The following SNX29 variants were observed in gnomAD, a reference collection of about 807,000 sequenced individuals.
SNX29 encodes sorting nexin-29.
Under a neutral mutation model 102.1 loss-of-function variants are expected in SNX29, and 78 were observed. The observed-to-expected ratio is 0.76, with a 90% CI of 0.64 to 0.92. The LOEUF (loss-of-function observed/expected upper bound fraction) is 0.92, where lower values mean the gene tolerates loss of function less well. Ranked by LOEUF, SNX29 falls within the 40% of genes least tolerant of loss-of-function variation. SNX29 has a pLI of 0.00. For synonymous variants in SNX29, 580 were observed against 414.5 expected (o/e 1.40, Z -4.85); for missense variants, 1,280 against 1,061.7 (o/e 1.21, Z -2.86).
intron 9 of SNX29, among the ~76,000 whole-genome samples, chr16:12,062,367 ACT>A (rs1456212093): frequency 1.4e-5 from 2 of 142,100 alleles, no homozygotes; most frequent in African/African-American, 2.7e-5. Context: ...TGACAGTGAG[ACT>A]CTGTCTCAAA....
intron 1 of SNX29, among the ~76,000 whole-genome samples, chr16:11,993,589 G>A (rs1411339768): frequency 6.6e-6 from 1 of 152,136 alleles, no homozygotes; most frequent in Non-Finnish European, 1.5e-5. Flanking sequence ...CGTCCGAAGA[G>A]GTAGGTTCTA....
At chr16:12,550,547 A>AC (rs1555454175) in intron 20 of SNX29, among the ~76,000 whole-genome samples, 1 of 145,816 alleles carries the variant, frequency 6.9e-6, no homozygotes, top group African/African-American at 2.6e-5. Context: ...AAAAAAAAAA[A>AC]CCAAACACCA....
At chr16:12,271,529 G>A (rs1010331277) in intron 14 of SNX29, among the ~76,000 whole-genome samples, 2 of 152,196 alleles carry the variant, frequency 1.3e-5, no homozygotes, top group Non-Finnish European at 1.5e-5. Context: ...GGTAAGTCCA[G>A]CCTATGCTCA....
At chr16:12,224,328 C>G (rs1252377380) in intron 14 of SNX29, among the ~76,000 whole-genome samples, 3 of 152,130 alleles carry the variant, frequency 2.0e-5, no homozygotes, top group Admixed American at 1.3e-4. Context: ...ATTGCTTTCT[C>G]CGACAACTGT....
chr16:12,142,711 C>T (rs956469185), intron 13 of SNX29, among the ~76,000 whole-genome samples: 6 of 151,448 alleles, frequency 4.0e-5, no homozygotes, highest in African/African-American at 1.5e-4. Flanking sequence ...TTACAGGCGC[C>T]TGCCACCACG....
intron 15 of SNX29, among the ~76,000 whole-genome samples, chr16:12,294,919 C>G (rs2079928619): frequency 6.6e-6 from 1 of 152,068 alleles, no homozygotes; most frequent in African/African-American, 2.4e-5. Flanking sequence ...TTAATGGAGT[C>G]ACAGTTTTAC....
intron 14 of SNX29, among the ~76,000 whole-genome samples, chr16:12,202,261 C>G (rs1285008311): frequency 2.0e-5 from 3 of 151,862 alleles, no homozygotes; most frequent in Admixed American, 1.3e-4. Flanking sequence ...TTTTCTCTCT[C>G]CAAGAGAATC....
At chr16:12,567,756 G>A (rs1006475448) in intron 20 of SNX29, among the ~76,000 whole-genome samples, 22 of 152,162 alleles carry the variant, frequency 1.4e-4, no homozygotes, top group African/African-American at 4.8e-4. Context: ...AGTCGAGACT[G>A]TCTCCAGAAA....
intron 14 of SNX29, among the ~76,000 whole-genome samples, chr16:12,223,949 G>A (rs1184610712): frequency 6.6e-6 from 1 of 152,142 alleles, no homozygotes; most frequent in Non-Finnish European, 1.5e-5. Context: ...CCTCGGAGGG[G>A]TTCAGCAGCT....
intron 11 of SNX29, among the ~76,000 whole-genome samples, chr16:12,108,002 T>C (rs979542543): frequency 3.9e-5 from 6 of 152,092 alleles, no homozygotes; most frequent in Non-Finnish European, 7.4e-5. Context: ...CGAAATTTAT[T>C]AGGAGTTGCT....
At chr16:12,229,024 C>T (rs907602364) in intron 14 of SNX29, among the ~76,000 whole-genome samples, 2 of 152,252 alleles carry the variant, frequency 1.3e-5, no homozygotes, top group African/African-American at 4.8e-5. Flanking sequence ...GCTTGCTTGC[C>T]CTCATTCCTT....
chr16:12,004,763 T>C (rs1229078049), intron 3 of SNX29, among the ~76,000 whole-genome samples: 1 of 152,236 alleles, frequency 6.6e-6, no homozygotes, highest in Non-Finnish European at 1.5e-5. Context: ...GCCACGTGGA[T>C]GATTTGAAAC....
At position 12,429,905 on chromosome 16, in the gene SNX29, C is replaced by T. The variant is rs555461881; in HGVS notation, c.2037+26376C>T. Among the ~76,000 whole-genome samples the T allele has an allele frequency of 2.6e-5, 4 of 152,312 alleles. No homozygotes were observed. In the South Asian group the frequency reaches 6.2e-4, roughly 24 times the overall value. The stretch of plus-strand genomic sequence containing the variant: ...CAATCTTGACTATTGTTTTCTTGCT[C>T]TCTGACCACAGGCAGCTTACTGAAC... On this transcript the variant is annotated intron_variant, in intron 18 of 20. Transcript: ENST00000566228.
chr16:12,268,082 C>T (rs1401272455), intron 14 of SNX29, among the ~76,000 whole-genome samples: 2 of 152,244 alleles, frequency 1.3e-5, no homozygotes, highest in African/African-American at 2.4e-5. Context: ...TTATCCCAGT[C>T]TCTGCTCAGA....
intron 15 of SNX29, among the ~76,000 whole-genome samples, chr16:12,295,770 CT>C (rs34643631): frequency 3.5e-4 from 51 of 146,030 alleles, no homozygotes; most frequent in African/African-American, 5.2e-4. Context: ...AAATTGGGTT[CT>C]TTTTTTTTTT....
intron 14 of SNX29, among the ~76,000 whole-genome samples, chr16:12,199,959 CAGTTGCA>C (rs1334046472): frequency 6.6e-6 from 1 of 152,162 alleles, no homozygotes; most frequent in Non-Finnish European, 1.5e-5. Context: ...AGTCTTGAGA[CAGTTGCA>C]TGGCAGTGAA....
intron 15 of SNX29, among the ~76,000 whole-genome samples, chr16:12,289,311 C>A (rs142214128): frequency 6.6e-6 from 1 of 152,180 alleles, no homozygotes; most frequent in Non-Finnish European, 1.5e-5. Flanking sequence ...CTTCCTTCTT[C>A]CCTCCTCTCC....
chr16:12,061,369 T>C, intron 8 of SNX29, 159 bp from the exon 9 acceptor site: 2 of 618,534 alleles, frequency 3.2e-6, no homozygotes, highest in Non-Finnish European at 5.7e-6. Context: ...GAGGTCTGGA[T>C]CTGGACTCCA....
In SNX29 at chr16:12,482,224, G is replaced by A. The variant is rs560800710; in HGVS notation, c.2178+4365G>A. On this transcript the variant is annotated intron_variant, in intron 19 of 20. Transcript: ENST00000566228. Reference sequence around the variant, plus strand: ...CCTGGACCATTGTGGCACACGTCTAGACAAGACGTGTTTGGGTTGATTTAA... The same window carrying A: ...CCTGGACCATTGTGGCACACGTCTAAACAAGACGTGTTTGGGTTGATTTAA... Among the ~76,000 whole-genome samples, 61 of 152,326 alleles carry A rather than the reference G, an allele frequency of 4.0e-4. 1 individual carries two copies. The South Asian group carries it at 0.01, about 25-fold the overall frequency.
Sources: allele counts gnomAD v4.1 joint callset (sites outside exome capture counted in the v4.1 genomes callset), GRCh38; gene constraint gnomAD v4.1.1; transcripts MANE v1.5; gene names NCBI Gene and HGNC (gene_info 2026-07-23, HGNC 2026-07-21).